ROBO2: variants seen among roughly 807,000 people sequenced by gnomAD.
ROBO2 encodes the protein roundabout homolog 2.
In ROBO2, 53 loss-of-function variants were observed where a neutral mutation model predicts 160.8. The ratio of observed to expected loss-of-function variants is 0.33; its 90% confidence interval spans 0.26 to 0.41. ROBO2 has a LOEUF of 0.41. Among genes scored for constraint, ROBO2 ranks in the 10% least tolerant of loss-of-function variants. ROBO2 has a pLI of 1.00. For synonymous variants in ROBO2, 664 were observed against 611.7 expected (o/e 1.09, Z -1.26); for missense variants, 1,577 against 1,722.4 (o/e 0.92, Z 1.49).
At chr3:76,486,122 G>T (rs1480900676) in intron 2 of ROBO2, among the ~76,000 whole-genome samples, 3 of 152,164 alleles carry the variant, frequency 2.0e-5, no homozygotes, top group African/African-American at 7.2e-5. Flanking sequence ...GCTGCAAAAA[G>T]AATCAGGTGG....
At chr3:76,571,398 A>G (rs1041664096) in intron 2 of ROBO2, among the ~76,000 whole-genome samples, 4 of 152,136 alleles carry the variant, frequency 2.6e-5, no homozygotes, top group Non-Finnish European at 4.4e-5. Context: ...ACAATAAAAT[A>G]TAGGAAGCCA....
At chr3:76,850,258 A>G (rs1302091036) in intron 2 of ROBO2, among the ~76,000 whole-genome samples, 1 of 152,162 alleles carries the variant, frequency 6.6e-6, no homozygotes, top group Non-Finnish European at 1.5e-5. Context: ...GCTACACTTC[A>G]TCTTCTCTCT....
At chr3:76,119,435 G>A (rs971932285) in intron 2 of ROBO2, among the ~76,000 whole-genome samples, 4 of 151,876 alleles carry the variant, frequency 2.6e-5, no homozygotes, top group East Asian at 1.9e-4. Flanking sequence ...TGACTCACCC[G>A]AAGGTATCAT....
chr3:76,200,129 T>C (rs111525877), intron 2 of ROBO2, among the ~76,000 whole-genome samples: 3,226 of 152,284 alleles, frequency 0.021, 81 homozygotes, highest in African/African-American at 0.058. Context: ...TTTATTAATG[T>C]GTGCATCACA....
intron 2 of ROBO2, among the ~76,000 whole-genome samples, chr3:77,188,964 T>TGC (rs1350349765): frequency 1.2e-4 from 15 of 126,192 alleles, no homozygotes; most frequent in Admixed American, 5.6e-4. Flanking sequence ...TGTGTGTGTG[T>TGC]GTGTGAGAGA....
At chr3:76,527,255 T>A (rs985131111) in intron 2 of ROBO2, among the ~76,000 whole-genome samples, 2 of 152,058 alleles carry the variant, frequency 1.3e-5, no homozygotes, top group Non-Finnish European at 2.9e-5. Flanking sequence ...TATACAAATA[T>A]CTGTTTTCTT....
intron 9 of ROBO2, among the ~76,000 whole-genome samples, chr3:77,560,285 T>C (rs573746035): frequency 6.6e-6 from 1 of 152,160 alleles, no homozygotes; most frequent in African/African-American, 2.4e-5. Context: ...ATTAATCTCA[T>C]TTTAAAGCAA....
At chr3:76,808,699 TAGAATC>T (rs1358647300) in intron 2 of ROBO2, among the ~76,000 whole-genome samples, 1 of 152,070 alleles carries the variant, frequency 6.6e-6, no homozygotes, top group Admixed American at 6.6e-5. Flanking sequence ...ATGTGGGTGT[TAGAATC>T]AGACCTGCAG....
chr3:77,239,907 T>C (rs1216115772), intron 2 of ROBO2, among the ~76,000 whole-genome samples: 3 of 152,176 alleles, frequency 2.0e-5, no homozygotes, highest in Admixed American at 6.5e-5. Context: ...TACGGAGGGC[T>C]GATTGGTGCA....
intron 2 of ROBO2, among the ~76,000 whole-genome samples, chr3:76,583,075 TACGGAACCGAG>T (rs1385942855): frequency 1.3e-5 from 2 of 149,534 alleles, no homozygotes; most frequent in East Asian, 3.9e-4. Context: ...TCTGCTGGAG[TACGGAACCGAG>T]CTGCAGGCCA....
intron 4 of ROBO2, among the ~76,000 whole-genome samples, chr3:77,486,631 ATTTG>A (rs1264537593): frequency 6.6e-6 from 1 of 152,072 alleles, no homozygotes; most frequent in African/African-American, 2.4e-5. Flanking sequence ...TTTCTTGTAA[ATTTG>A]TTTAAGTTCC....
At chr3:76,030,021 G>A (rs375155920) in intron 2 of ROBO2, among the ~76,000 whole-genome samples, 5 of 152,206 alleles carry the variant, frequency 3.3e-5, no homozygotes, top group Middle Eastern at 3.4e-3. Context: ...ATCCTCTCCA[G>A]CACCTGTTGT....
At position 75,966,580 on chromosome 3, in the gene ROBO2, G is replaced by A. The variant is rs552378046; in HGVS notation, c.109+28978G>A. 3.3e-5 allele frequency among the ~76,000 whole-genome samples: 5 copies of A among 151,730 alleles called. No individual in the cohort carries two copies. The South Asian group carries it at 8.3e-4, about 25-fold the overall frequency. ...GCCTCAGCCACCCAATATGGCATGA[G>A]TGACGTCAAGTCAGAACCTGGGTTT... On this transcript the variant is annotated intron_variant, in intron 2 of 26. Coordinates refer to the ROBO2 transcript ENST00000487694.
At chr3:76,309,050 A>T (rs1171572274) in intron 2 of ROBO2, among the ~76,000 whole-genome samples, 3 of 149,974 alleles carry the variant, frequency 2.0e-5, no homozygotes. Context: ...GGGCCAAGAC[A>T]TTTTTTTTTT....
At chr3:76,264,390 A>G (rs2097222702) in intron 2 of ROBO2, among the ~76,000 whole-genome samples, 1 of 151,498 alleles carries the variant, frequency 6.6e-6, no homozygotes, top group Admixed American at 6.6e-5. Context: ...AAAACTTAAC[A>G]TCCATGCACC....
intron 2 of ROBO2, among the ~76,000 whole-genome samples, chr3:76,141,355 T>C (rs2071662154): frequency 6.7e-6 from 1 of 149,784 alleles, no homozygotes; most frequent in Admixed American, 6.7e-5. Context: ...CACAGGGAAA[T>C]GTGTGAGAAA....
chr3:77,582,446 GTTA>G (rs1249059663), intron 16 of ROBO2, among the ~76,000 whole-genome samples: 6 of 152,036 alleles, frequency 3.9e-5, no homozygotes, highest in African/African-American at 1.4e-4. Context: ...TACTCAGAAT[GTTA>G]TTATTAATGT....
At chr3:76,828,741 G>C (rs1036407689) in intron 2 of ROBO2, among the ~76,000 whole-genome samples, 3 of 151,934 alleles carry the variant, frequency 2.0e-5, no homozygotes, top group Non-Finnish European at 4.4e-5. Flanking sequence ...AAGCATACCT[G>C]GTCCCTTGAT....
At chr3:76,495,093 C>G (rs990229567) in intron 2 of ROBO2, among the ~76,000 whole-genome samples, 1 of 151,978 alleles carries the variant, frequency 6.6e-6, no homozygotes, top group African/African-American at 2.4e-5. Flanking sequence ...AGTACCCTCA[C>G]GTGTGTTTGA....
Sources: allele counts gnomAD v4.1 joint callset (sites outside exome capture counted in the v4.1 genomes callset), GRCh38; gene constraint gnomAD v4.1.1; transcripts MANE v1.5; gene names NCBI Gene and HGNC (gene_info 2026-07-23, HGNC 2026-07-21).